The following VSTM2A variants were observed in gnomAD, a reference collection of about 807,000 sequenced individuals.
The protein encoded by VSTM2A is V-set and transmembrane domain containing 2A, also known as V-set and transmembrane domain-containing protein 2A.
In VSTM2A, 13 loss-of-function variants were observed where a neutral mutation model predicts 27.3. The ratio of observed to expected loss-of-function variants is 0.48; its 90% CI spans 0.31 to 0.76. The LOEUF is 0.76. Ranked by LOEUF, VSTM2A falls within the 30% of genes least tolerant of loss-of-function variation. The pLI is 0.05. For missense variants in VSTM2A, 280 were observed against 310.0 expected (o/e 0.90, Z 0.73); for synonymous variants, 142 against 125.7 (o/e 1.13, Z -0.87).
At chr7:54,563,650 C>T (rs1788630578) in intron 4 of VSTM2A, among the ~76,000 whole-genome samples, 1 of 152,106 alleles carries the variant, frequency 6.6e-6, no homozygotes, top group Admixed American at 6.6e-5. Context: ...GAGTGGCACC[C>T]ATGCACCCTG....
At chr7:54,555,613 T>C (rs982834868) in intron 4 of VSTM2A, among the ~76,000 whole-genome samples, 1 of 152,218 alleles carries the variant, frequency 6.6e-6, no homozygotes, top group Admixed American at 6.5e-5. Context: ...GTGCCTTGTA[T>C]TGTTGAACCT....
chr7:54,546,948 T>G lies in VSTM2A; in HGVS notation c.248T>G (p.Val83Gly). The G allele has an allele frequency of 6.3e-7, 1 of 1,597,744 alleles. No individual in the cohort carries two copies. The highest frequency in any genetic ancestry group is 8.5e-7 in the Non-Finnish European group (1 of 1,174,238). ...DPGAEGAGAQ[V>G]ELLPDRDPDS... The stretch of plus-strand genomic sequence containing the variant: ...TGAGCGTTCGCTCCTTGCCCGCAGG[T>G]GGAGCTCTTGCCCGACAGAGACCCG... The change falls in exon 3 of 5, where the codon GTG becomes GGG. Residue 83 changes from valine (V) to glycine (G), a missense_variant and splice_region_variant. Physicochemically the swap from Val to Gly is moderately radical, Grantham distance 109. Coordinates refer to ENST00000402613, the MANE Select transcript of VSTM2A (RefSeq NM_001301009.2).
chr7:54,547,023 G>A, intron 3 of VSTM2A, 26 bp downstream of exon 3: 1 of 1,565,966 alleles, frequency 6.4e-7, no homozygotes, highest in Non-Finnish European at 8.6e-7. Flanking sequence ...GCCAAGGGCC[G>A]CGGGCCCAGG....
chr7:54,566,148 C>T (rs1454723049), intron 4 of VSTM2A, among the ~76,000 whole-genome samples: 3 of 152,190 alleles, frequency 2.0e-5, no homozygotes, highest in South Asian at 2.1e-4. Context: ...AAATAGATGT[C>T]GAAGGACGTT....
chr7:54,565,566 A>C (rs2115934469), intron 4 of VSTM2A, among the ~76,000 whole-genome samples: 1 of 152,330 alleles, frequency 6.6e-6, no homozygotes, highest in Admixed American at 6.5e-5. Flanking sequence ...GGGGCATGAA[A>C]GGGCAAGAGG....
chr7:54,550,561 A>G (rs1311502424), intron 4 of VSTM2A: 1 of 275,388 alleles, frequency 3.6e-6, no homozygotes, highest in East Asian at 7.2e-5. Context: ...TCAAAATGTA[A>G]ATGAGAGAGA....
intron 4 of VSTM2A, chr7:54,558,297 G>A (rs1234540734): frequency 6.6e-6 from 1 of 152,040 alleles, no homozygotes; most frequent in East Asian, 1.9e-4. Flanking sequence ...AATAAAATAG[G>A]AATATAAATT....
chr7:54,555,377 A>G (rs1379490705), intron 4 of VSTM2A, among the ~76,000 whole-genome samples: 3 of 152,190 alleles, frequency 2.0e-5, no homozygotes, highest in Admixed American at 2.0e-4. Flanking sequence ...CTGAGTTCCT[A>G]ATCTCATTCA....
chr7:54,565,520 G>A (rs1440866187), intron 4 of VSTM2A, among the ~76,000 whole-genome samples: 1 of 152,206 alleles, frequency 6.6e-6, no homozygotes, highest in East Asian at 1.9e-4. Context: ...GGTGCTGAAA[G>A]GCAACTGAGC....
intron 4 of VSTM2A, among the ~76,000 whole-genome samples, chr7:54,564,104 C>T (rs1788647625): frequency 6.6e-6 from 1 of 152,154 alleles, no homozygotes; most frequent in Non-Finnish European, 1.5e-5. Context: ...CGCGTCTACT[C>T]GAAGAGCTGT....
In VSTM2A at chr7:54,542,774, C is replaced by A; in HGVS notation, c.44C>A (p.Ser15Tyr). 3 of 1,613,770 alleles carry A rather than the reference C, an allele frequency of 1.9e-6. No individual in the cohort carries two copies. The highest frequency in any genetic ancestry group is 3.3e-5 in the Admixed American group (2 of 60,012). The change falls in exon 1 of 5, where the codon TCC (serine) becomes TAC (tyrosine). Residue 15 changes from serine (S) to tyrosine (Y), a missense_variant. By Grantham distance (144) the Ser-to-Tyr change is moderately radical. Coordinates refer to ENST00000402613, the MANE Select transcript of VSTM2A (RefSeq NM_001301009.2). Reference sequence around the variant, plus strand: ...GTGTATGTTGGATTTGTTTTCTTTTCCGTTTTATATGTACAACAAGGGCTT... The same window carrying A: ...GTGTATGTTGGATTTGTTTTCTTTTACGTTTTATATGTACAACAAGGGCTT... ...FLVYVGFVFF[S>Y]VLYVQQGLSS...
intron 4 of VSTM2A, among the ~76,000 whole-genome samples, chr7:54,564,777 A>G (rs919518678): frequency 1.1e-4 from 17 of 152,228 alleles, no homozygotes; most frequent in African/African-American, 4.1e-4. Flanking sequence ...CTAAAATAAT[A>G]GTGGAGCCAG....
At chr7:54,555,093 C>T (rs1050009071) in intron 4 of VSTM2A, among the ~76,000 whole-genome samples, 4 of 152,322 alleles carry the variant, frequency 2.6e-5, no homozygotes, top group Admixed American at 2.0e-4. Flanking sequence ...AAAATGTTCT[C>T]ATCTCTTCTG....
chr7:54,543,441 T>C (rs1217768317), intron 1 of VSTM2A, among the ~76,000 whole-genome samples: 4 of 152,204 alleles, frequency 2.6e-5, no homozygotes, highest in Non-Finnish European at 5.9e-5. Context: ...AGAAATGCCA[T>C]ACTCCTTCTG....
intron 4 of VSTM2A, among the ~76,000 whole-genome samples, chr7:54,564,330 C>T (rs962784631): frequency 6.6e-6 from 1 of 152,084 alleles, no homozygotes; most frequent in Non-Finnish European, 1.5e-5. Context: ...TTTTTTCTTG[C>T]TCCTTTTGAT....
At position 54,570,471 on chromosome 7, in the gene VSTM2A, A is replaced by T. The variant is rs764970725; in HGVS notation, c.*1252A>T. The T allele has an allele frequency of 2.0e-4, 30 of 152,184 alleles. No individual in the cohort carries two copies. The highest frequency in any genetic ancestry group is 3.4e-4 in the Non-Finnish European group (23 of 67,992). 9.4% of individuals were successfully genotyped at this position (152,184 alleles called of 1,614,324 possible). On this transcript the variant is annotated 3_prime_UTR_variant, in exon 5 of 5. Coordinates refer to ENST00000402613, the MANE Select transcript of VSTM2A (RefSeq NM_001301009.2). ...CTTTGTCATTCTGTTATTTGCGCTA[A>T]TTATATTTTAATGTCTCCTAATTAA...
intron 4 of VSTM2A, among the ~76,000 whole-genome samples, chr7:54,561,926 TG>T (rs1376479844): frequency 8.4e-5 from 12 of 143,474 alleles, no homozygotes; most frequent in African/African-American, 2.9e-4. Flanking sequence ...GTTTTTTGTT[TG>T]TTTTTTTTTG....
intron 4 of VSTM2A, among the ~76,000 whole-genome samples, chr7:54,555,786 A>G (rs918881486): frequency 1.3e-5 from 2 of 152,192 alleles, no homozygotes; most frequent in African/African-American, 2.4e-5. Flanking sequence ...ATTATTTTGT[A>G]TAATTATGTT....
intron 4 of VSTM2A, among the ~76,000 whole-genome samples, chr7:54,556,509 T>C (rs1443866897): frequency 6.6e-6 from 1 of 152,184 alleles, no homozygotes; most frequent in Admixed American, 6.5e-5. Context: ...GTGCACTGCT[T>C]TGAGGTAGAG....
Sources: allele counts gnomAD v4.1 joint callset (sites outside exome capture counted in the v4.1 genomes callset), GRCh38; gene constraint gnomAD v4.1.1; transcripts MANE v1.5; gene names NCBI Gene and HGNC (gene_info 2026-07-23, HGNC 2026-07-21).